Variants in MRTFA observed in about 807,000 individuals in gnomAD.
The protein encoded by MRTFA is myocardin-related transcription factor A.
Under a neutral mutation model 83.5 loss-of-function variants are expected in MRTFA, and 20 were observed. The ratio of observed to expected loss-of-function variants is 0.24; its 90% CI spans 0.17 to 0.35. MRTFA has a LOEUF of 0.35. MRTFA is among the 10% of genes least tolerant of loss of function. The probability of loss-of-function intolerance (pLI) is 1.00; values close to 1 mark genes in which losing one functional copy is unlikely to be tolerated. For synonymous variants in MRTFA, 659 were observed against 541.2 expected, an observed-to-expected ratio of 1.22 and a Z score of -3.02; for missense variants, 1,200 against 1,224.7, an observed-to-expected ratio of 0.98 and a Z score of 0.30.
intron 4 of MRTFA, among the ~76,000 whole-genome samples, chr22:40,457,486 GAAGGAAA>G (rs2053614897): frequency 7.8e-6 from 1 of 127,828 alleles, no homozygotes; most frequent in Admixed American, 7.7e-5. Flanking sequence ...AAGAAAGAAA[GAAGGAAA>G]GAAAGAAAGA....
At chr22:40,531,063 C>T (rs894106882) in intron 3 of MRTFA, among the ~76,000 whole-genome samples, 4 of 151,972 alleles carry the variant, frequency 2.6e-5, no homozygotes, top group African/African-American at 9.7e-5. Flanking sequence ...TGGCTGGTTC[C>T]AAAGGACCAG....
At chr22:40,633,046 T>C (rs1464647946) in intron 1 of MRTFA, among the ~76,000 whole-genome samples, 1 of 150,908 alleles carries the variant, frequency 6.6e-6, no homozygotes, top group African/African-American at 2.4e-5. Flanking sequence ...AATGTATTCA[T>C]TTATAAAAAA....
intron 3 of MRTFA, among the ~76,000 whole-genome samples, chr22:40,472,411 G>A (rs2053929931): frequency 6.6e-6 from 1 of 152,210 alleles, no homozygotes; most frequent in South Asian, 2.1e-4. Context: ...TAAGCAGTAA[G>A]TAGCCTTTCC....
In MRTFA at chr22:40,411,453, G is replaced by T; in HGVS notation, c.3033C>A (p.Ser1011Arg). ...CATCGAGGAAGTCTGTGGAGAAGAG[G>T]CTGGGGGCTGTGGTGCTGAGGGGGG... Residue 1011 changes from serine to arginine, a missense_variant, in exon 15 of 15, where the codon AGC becomes AGA. Ser to Arg is a moderately radical substitution (Grantham distance 110). Around this residue, in one of 2 missense-constraint regions of MRTFA, gnomAD observed 1,107 missense variants for 1,041.8 expected, o/e 1.06. Transcript: ENST00000355630. 1 of 1,598,192 alleles carries T rather than the reference G, an allele frequency of 6.3e-7. No homozygotes were observed. Among genetic ancestry groups the T allele is most frequent in the Non-Finnish European group, 8.6e-7 (1 of 1,167,560 alleles).
chr22:40,492,292 C>T (rs189584444), intron 3 of MRTFA, among the ~76,000 whole-genome samples: 11 of 152,278 alleles, frequency 7.2e-5, no homozygotes, highest in African/African-American at 2.6e-4. Flanking sequence ...AGTTAGATCC[C>T]AAGTTTACTT....
chr22:40,615,681 C>G (rs946692571), intron 1 of MRTFA, among the ~76,000 whole-genome samples: 2 of 137,974 alleles, frequency 1.4e-5, no homozygotes, highest in Non-Finnish European at 3.1e-5. Context: ...CCTATATTTT[C>G]TTTTCTTTTT....
At chr22:40,552,416 T>TG in intron 2 of MRTFA, 49 bp from the exon 3 acceptor site, 1 of 396,654 alleles carries the variant, frequency 2.5e-6, no homozygotes, top group East Asian at 3.6e-5. Flanking sequence ...CATGATAATA[T>TG]GGTTTGGTGG....
intron 3 of MRTFA, among the ~76,000 whole-genome samples, chr22:40,478,053 G>A (rs1333393919): frequency 6.6e-6 from 1 of 152,100 alleles, no homozygotes; most frequent in Admixed American, 6.5e-5. Flanking sequence ...CAAAATAGTT[G>A]TTAAAGGATC....
chr22:40,620,302 T>C (rs1375853499), intron 1 of MRTFA, among the ~76,000 whole-genome samples: 1 of 152,030 alleles, frequency 6.6e-6, no homozygotes, highest in Non-Finnish European at 1.5e-5. Context: ...TTTTGTATTT[T>C]TAGTAGAGAT....
At chr22:40,445,140 A>G (rs953130880) in intron 4 of MRTFA, among the ~76,000 whole-genome samples, 1 of 152,104 alleles carries the variant, frequency 6.6e-6, no homozygotes, top group Non-Finnish European at 1.5e-5. Flanking sequence ...CCCAACATAC[A>G]CACTCTCACA....
At chr22:40,569,234 T>TGGAGA (rs1046577340) in intron 2 of MRTFA, 4 of 158,948 alleles carry the variant, frequency 2.5e-5, no homozygotes, top group Non-Finnish European at 5.6e-5. Flanking sequence ...CCTGAGACCC[T>TGGAGA]GTCTCTGAAA....
At chr22:40,582,644 G>A (rs1450521688) in intron 2 of MRTFA, among the ~76,000 whole-genome samples, 1 of 149,656 alleles carries the variant, frequency 6.7e-6, no homozygotes, top group East Asian at 2.0e-4. Flanking sequence ...CACAGACGAA[G>A]GTTTTAACTT....
intron 3 of MRTFA, among the ~76,000 whole-genome samples, chr22:40,492,132 T>G (rs5995867): frequency 0.13 from 19,141 of 152,060 alleles, 1,399 homozygotes; most frequent in East Asian, 0.24. Context: ...TGGAGGAGAT[T>G]CGAGTCTCCA....
intron 3 of MRTFA, among the ~76,000 whole-genome samples, chr22:40,482,523 C>T (rs2054108398): frequency 6.6e-6 from 1 of 152,144 alleles, no homozygotes; most frequent in African/African-American, 2.4e-5. Context: ...AAGATCTGGG[C>T]ATAGCATGCA....
chr22:40,620,778 T>C (rs577901727), intron 1 of MRTFA, among the ~76,000 whole-genome samples: 2 of 152,194 alleles, frequency 1.3e-5, no homozygotes, highest in Admixed American at 6.5e-5. Flanking sequence ...TCTTGTCTAA[T>C]GACAAGAACC....
At chr22:40,519,598 A>G in intron 3 of MRTFA, 1 of 1,326,606 alleles carries the variant, frequency 7.5e-7, no homozygotes, top group Non-Finnish European at 1.0e-6. Context: ...GTTATACCCA[A>G]TTTGAGACAT....
chr22:40,630,601 C>T (rs973704143), intron 1 of MRTFA, among the ~76,000 whole-genome samples: 1 of 152,200 alleles, frequency 6.6e-6, no homozygotes, highest in East Asian at 1.9e-4. Flanking sequence ...ATCACTACTG[C>T]CTCTAAAGAG....
intron 1 of MRTFA, among the ~76,000 whole-genome samples, chr22:40,633,554 AAGTT>A (rs1257359569): frequency 2.0e-5 from 3 of 152,314 alleles, no homozygotes; most frequent in East Asian, 1.9e-4. Context: ...CTGTTTAACA[AAGTT>A]AGTAAAGTGC....
intron 3 of MRTFA, among the ~76,000 whole-genome samples, chr22:40,478,783 C>T (rs531825171): frequency 2.6e-5 from 4 of 152,294 alleles, no homozygotes; most frequent in Admixed American, 2.6e-4. Flanking sequence ...ATGGCTCCGA[C>T]AGCAATCAAA....
Sources: gnomAD v4.1 joint callset for allele counts (sites outside exome capture counted in the v4.1 genomes callset) on GRCh38, gnomAD v4.1.1 for gene constraint, gnomAD v4.1.1 regional missense constraint, MANE v1.5 for transcripts, NCBI Gene and HGNC (gene_info 2026-07-23, HGNC 2026-07-21) for gene names.